Variants in ASIC2 observed in about 807,000 individuals in gnomAD.
The protein encoded by ASIC2 is acid sensing ion channel subunit 2.
Under a neutral mutation model 57.3 loss-of-function variants are expected in ASIC2, and 25 were observed. The observed-to-expected ratio is 0.44, with a 90% CI of 0.32 to 0.61. The LOEUF (loss-of-function observed/expected upper bound fraction) is 0.61. Ranked by LOEUF, ASIC2 falls within the 20% of genes least tolerant of loss-of-function variation. The pLI, the probability that ASIC2 is intolerant of heterozygous loss-of-function variation, is 0.06. For synonymous variants in ASIC2, 319 were observed against 307.5 expected, an observed-to-expected ratio of 1.04 and a Z score of -0.39; for missense variants, 641 against 738.1, an observed-to-expected ratio of 0.87 and a Z score of 1.52.
intron 1 of ASIC2, among the ~76,000 whole-genome samples, chr17:33,275,361 G>C (rs776531062): frequency 6.6e-6 from 1 of 152,020 alleles, no homozygotes; most frequent in African/African-American, 2.4e-5. Flanking sequence ...CTGAATCTTC[G>C]CACTATAACC....
At chr17:33,022,313 C>T (rs1251555764) in intron 6 of ASIC2, among the ~76,000 whole-genome samples, 2 of 152,216 alleles carry the variant, frequency 1.3e-5, no homozygotes, top group Non-Finnish European at 2.9e-5. Flanking sequence ...GTTCCACTCC[C>T]CAGTCACAGG....
intron 1 of ASIC2, among the ~76,000 whole-genome samples, chr17:34,095,637 A>C (rs1910500979): frequency 2.4e-5 from 3 of 126,682 alleles, no homozygotes; most frequent in South Asian, 2.2e-4. Flanking sequence ...ATAATTTTAT[A>C]TATATATATA....
At chr17:33,708,061 C>T (rs573741874) in intron 1 of ASIC2, among the ~76,000 whole-genome samples, 1 of 152,178 alleles carries the variant, frequency 6.6e-6, no homozygotes, top group Non-Finnish European at 1.5e-5. Context: ...AGAGAGCAAA[C>T]CTCCAGTCTC....
intron 1 of ASIC2, among the ~76,000 whole-genome samples, chr17:33,256,554 G>C (rs1449794479): frequency 6.6e-6 from 1 of 152,178 alleles, no homozygotes; most frequent in Non-Finnish European, 1.5e-5. Context: ...AGGCACGGTG[G>C]CTCACACCTG....
chr17:33,606,202 G>A (rs1357552848), intron 1 of ASIC2, among the ~76,000 whole-genome samples: 3 of 152,148 alleles, frequency 2.0e-5, no homozygotes, highest in East Asian at 1.9e-4. Flanking sequence ...TGATTTGGCC[G>A]ACAGAAAGGA....
At chr17:33,637,460 GA>G (rs755502740) in intron 1 of ASIC2, among the ~76,000 whole-genome samples, 65 of 152,256 alleles carry the variant, frequency 4.3e-4, no homozygotes, top group Admixed American at 2.9e-3. Flanking sequence ...CATCAGAAAG[GA>G]ACTCATACTA....
chr17:33,967,481 C>T (rs749428345), intron 1 of ASIC2, among the ~76,000 whole-genome samples: 16 of 152,134 alleles, frequency 1.1e-4, no homozygotes, highest in South Asian at 2.1e-4. Flanking sequence ...GCAATCCACC[C>T]CCCTCAGCCT....
chr17:33,900,396 T>C (rs1915206582), intron 1 of ASIC2, among the ~76,000 whole-genome samples: 2 of 152,170 alleles, frequency 1.3e-5, no homozygotes, highest in Admixed American at 1.3e-4. Context: ...CACGTAATTG[T>C]AAGACTCTAG....
At chr17:34,097,462 G>A (rs1247998026) in intron 1 of ASIC2, among the ~76,000 whole-genome samples, 2 of 152,086 alleles carry the variant, frequency 1.3e-5, no homozygotes, top group Non-Finnish European at 2.9e-5. Flanking sequence ...ACAAACCTCA[G>A]AATGATCCTA....
intron 1 of ASIC2, among the ~76,000 whole-genome samples, chr17:33,540,042 C>A (rs996419687): frequency 6.6e-6 from 1 of 152,152 alleles, no homozygotes; most frequent in East Asian, 1.9e-4. Flanking sequence ...AGGTTGGGCA[C>A]CTTCAACAAC....
intron 1 of ASIC2, among the ~76,000 whole-genome samples, chr17:33,593,198 G>A (rs1904876404): frequency 6.6e-6 from 1 of 152,230 alleles, no homozygotes; most frequent in African/African-American, 2.4e-5. Flanking sequence ...CACTGCAGAT[G>A]CAGCAATTGT....
chr17:33,818,031 C>T (rs530068885), intron 1 of ASIC2, among the ~76,000 whole-genome samples: 2 of 152,312 alleles, frequency 1.3e-5, no homozygotes, highest in Non-Finnish European at 2.9e-5. Context: ...CTGATAGAAG[C>T]TGCATCTTTT....
chr17:33,210,754 G>A (rs1597631503), intron 1 of ASIC2, among the ~76,000 whole-genome samples: 1 of 152,318 alleles, frequency 6.6e-6, no homozygotes, highest in Non-Finnish European at 1.5e-5. Flanking sequence ...CACACCCATC[G>A]TGTGCAGGAC....
chr17:34,131,106 G>C (rs1598041258), intron 1 of ASIC2, among the ~76,000 whole-genome samples: 1 of 149,448 alleles, frequency 6.7e-6, no homozygotes, highest in East Asian at 1.9e-4. Context: ...GGCCAGTGGG[G>C]AAAGAAAGCC....
At chr17:34,039,054 G>A in intron 1 of ASIC2, 2 of 1,614,104 alleles carry the variant, frequency 1.2e-6, no homozygotes, top group East Asian at 2.2e-5. Flanking sequence ...TTTCTATAAG[G>A]AGTTTCTTGC....
intron 1 of ASIC2, among the ~76,000 whole-genome samples, chr17:33,343,087 G>A (rs1907793482): frequency 6.6e-6 from 1 of 152,192 alleles, no homozygotes; most frequent in Non-Finnish European, 1.5e-5. Context: ...ATAGGAGCGA[G>A]CAATCCTCAT....
chr17:34,138,600 AC>A (rs1244170138), intron 1 of ASIC2, among the ~76,000 whole-genome samples: 1 of 152,150 alleles, frequency 6.6e-6, no homozygotes, highest in Non-Finnish European at 1.5e-5. Flanking sequence ...GCCCTTCTCC[AC>A]CAACCCTAGT....
intron 1 of ASIC2, among the ~76,000 whole-genome samples, chr17:33,696,970 G>A (rs1908546743): frequency 6.6e-6 from 1 of 152,180 alleles, no homozygotes; most frequent in African/African-American, 2.4e-5. Flanking sequence ...TGGATCATGA[G>A]GACAGATTCA....
At chr17:33,443,784 A>G (rs946407958) in intron 1 of ASIC2, among the ~76,000 whole-genome samples, 1 of 150,194 alleles carries the variant, frequency 6.7e-6, no homozygotes, top group Admixed American at 6.6e-5. Flanking sequence ...CAGATTTTCT[A>G]TTTTTTTTTC....
Sources: gnomAD v4.1 joint callset for allele counts (sites outside exome capture counted in the v4.1 genomes callset) on GRCh38, gnomAD v4.1.1 for gene constraint, MANE v1.5 for transcripts, NCBI Gene and HGNC (gene_info 2026-07-23, HGNC 2026-07-21) for gene names.